Variants in ST7L observed in about 807,000 individuals in gnomAD.
The protein encoded by ST7L is suppression of tumorigenicity 7 like, also known as suppressor of tumorigenicity 7 protein-like.
In ST7L, 57 loss-of-function variants were observed where a neutral mutation model predicts 72.5. The ratio of observed to expected loss-of-function variants is 0.79; its 90% confidence interval spans 0.64 to 0.98. The LOEUF (loss-of-function observed/expected upper bound fraction) is 0.98. ST7L is among the 50% of genes least tolerant of loss of function. ST7L has a pLI of 0.00. For synonymous variants in ST7L, 221 were observed against 240.9 expected, an observed-to-expected ratio of 0.92 and a Z score of 0.77; for missense variants, 576 against 672.2, an observed-to-expected ratio of 0.86 and a Z score of 1.58.
At chr1:112,565,953 G>A (rs1319314233) in intron 11 of ST7L, among the ~76,000 whole-genome samples, 1 of 151,842 alleles carries the variant, frequency 6.6e-6, no homozygotes, top group African/African-American at 2.4e-5. Context: ...TGAGGCTGCA[G>A]TGAGTCATGA....
chr1:112,600,745 T>C (rs895918643), intron 4 of ST7L, 49 bp downstream of exon 4: 1 of 1,497,922 alleles, frequency 6.7e-7, no homozygotes, highest in Admixed American at 1.8e-5. Flanking sequence ...TGTAAATACC[T>C]TTACTCTAAA....
intron 11 of ST7L, among the ~76,000 whole-genome samples, chr1:112,560,752 A>T (rs1659976811): frequency 6.6e-6 from 1 of 152,090 alleles, no homozygotes; most frequent in South Asian, 2.1e-4. Context: ...ACCTGAGGTC[A>T]GGAATTTGAG....
At chr1:112,580,101 G>A (rs1472169307) in intron 9 of ST7L, among the ~76,000 whole-genome samples, 3 of 152,170 alleles carry the variant, frequency 2.0e-5, no homozygotes, top group Non-Finnish European at 4.4e-5. Context: ...GGATTCCCAA[G>A]CAAATGGGTA....
At chr1:112,564,090 G>A (rs890074800) in intron 11 of ST7L, among the ~76,000 whole-genome samples, 1 of 152,162 alleles carries the variant, frequency 6.6e-6, no homozygotes, top group Admixed American at 6.5e-5. Context: ...GTCCACATTG[G>A]TATGTATTGG....
downstream of ST7L, chr1:112,520,300 C>T (rs1433276043): frequency 6.2e-7 from 1 of 1,613,982 alleles, no homozygotes; most frequent in South Asian, 1.1e-5. Flanking sequence ...CACTGCAGGC[C>T]GTGTCTGCAG....
At chr1:112,611,158 T>C (rs1354335484) in intron 2 of ST7L, among the ~76,000 whole-genome samples, 155 bp from the exon 3 acceptor site, 1 of 152,200 alleles carries the variant, frequency 6.6e-6, no homozygotes, top group Non-Finnish European at 1.5e-5. Context: ...GATTCACCAA[T>C]AACATGTCAC....
At chr1:112,594,948 T>C (rs34107138) in intron 5 of ST7L, among the ~76,000 whole-genome samples, 29,557 of 152,108 alleles carry the variant, frequency 0.19, 3,598 homozygotes, top group East Asian at 0.46. Context: ...AATGTTTTAT[T>C]GTGGAAAAGG....
At chr1:112,541,615 AT>A (rs1346416251) in intron 14 of ST7L, among the ~76,000 whole-genome samples, 3 of 152,236 alleles carry the variant, frequency 2.0e-5, no homozygotes, top group Non-Finnish European at 4.4e-5. Context: ...AATGAAAAAA[AT>A]CAAAGGGTTT....
At chr1:112,557,966 T>A (rs144639697) in intron 11 of ST7L, among the ~76,000 whole-genome samples, 4 of 152,220 alleles carry the variant, frequency 2.6e-5, no homozygotes, top group African/African-American at 9.6e-5. Flanking sequence ...TAATCACAGT[T>A]ACTATAGCAA....
At chr1:112,553,235 C>A (rs1441981260) in intron 12 of ST7L, among the ~76,000 whole-genome samples, 2 of 84,764 alleles carry the variant, frequency 2.4e-5, no homozygotes, top group Admixed American at 9.8e-5. Flanking sequence ...TTTCTTTAAA[C>A]ACACACACAC....
At chr1:112,564,714 G>A (rs1420568858) in intron 11 of ST7L, among the ~76,000 whole-genome samples, 1 of 151,598 alleles carries the variant, frequency 6.6e-6, no homozygotes, top group African/African-American at 2.4e-5. Flanking sequence ...CTACTTGGGA[G>A]GCTGAGGCAG....
At chr1:112,602,876 C>G (rs892961687) in intron 3 of ST7L, among the ~76,000 whole-genome samples, 1 of 151,972 alleles carries the variant, frequency 6.6e-6, no homozygotes, top group Non-Finnish European at 1.5e-5. Context: ...CACCACCACG[C>G]CCGGCTAATT....
chr1:112,593,512 C>A (rs1665997751), intron 5 of ST7L, among the ~76,000 whole-genome samples: 1 of 152,054 alleles, frequency 6.6e-6, no homozygotes, highest in Non-Finnish European at 1.5e-5. Flanking sequence ...TATGTAAATG[C>A]CTACAAATGC....
At chr1:112,533,596 G>A (rs995582725) in intron 14 of ST7L, among the ~76,000 whole-genome samples, 1 of 150,690 alleles carries the variant, frequency 6.6e-6, no homozygotes, top group Non-Finnish European at 1.5e-5. Flanking sequence ...TTACAGGCGT[G>A]AACCACCACG....
rs551765603 is a variant in ST7L at position 112,549,823 on chromosome 1, A to G, written c.1489+778T>C. ...AACACCAGCTAGAACCTCTAGTACA[A>G]TATTAAATAGAAGTGGTGACAACAG... On this transcript the variant is annotated intron_variant, in intron 13 of 14. Transcript: ENST00000358039. Among the ~76,000 whole-genome samples the G allele has an allele frequency of 2.0e-5, 3 of 152,302 alleles. No homozygotes were observed. The South Asian group carries it at 6.2e-4, about 32-fold the overall frequency.
intron 14 of ST7L, chr1:112,540,190 T>C (rs897832487): frequency 3.0e-6 from 3 of 985,372 alleles, no homozygotes; most frequent in Non-Finnish European, 3.6e-6. Context: ...AGATTCTAGA[T>C]CTCCCTCCTT....
In ST7L at chr1:112,539,986, A is replaced by C. The variant is rs148407075; in HGVS notation, c.1629+1965T>G. On this transcript the variant is annotated intron_variant, in intron 14 of 14. Coordinates refer to ENST00000358039, the MANE Select transcript of ST7L (RefSeq NM_017744.5). ...TCAATAACTTTTGGTCTGAAAAAGA[A>C]GCTTCCATTTAAAATATGTAATTAT... The C allele has an allele frequency of 4.8e-4, 474 of 985,408 alleles. No individual in the cohort carries two copies. The African/African-American group carries it at 7.6e-3, about 16-fold the overall frequency. 61.0% of individuals were successfully genotyped at this position (985,408 alleles called of 1,614,324 possible).
intron 13 of ST7L, among the ~76,000 whole-genome samples, chr1:112,547,080 C>T (rs1173955398): frequency 6.6e-6 from 1 of 151,982 alleles, no homozygotes; most frequent in Non-Finnish European, 1.5e-5. Context: ...CAAATTGGCT[C>T]CTCCTGATAT....
rs1251356700 is a variant in ST7L, at chr1:112,618,202, G to T, written c.205+707C>A. On this transcript the variant is annotated intron_variant, in intron 1 of 14. Transcript: ENST00000358039. ...ACACTTCATCCTGTCTACAGCTAAA[G>T]AATAGTACAGTATATGAGAATCCAT... 2.5e-6 allele frequency: 3 copies of T among 1,202,730 alleles called. No homozygotes were observed. The Admixed American group carries it at 1.0e-4, about 40-fold the overall frequency. The allele number at this position is 1,202,730 out of a possible 1,614,324, so 74.5% of individuals were successfully genotyped here.
Sources: allele counts gnomAD v4.1 joint callset (sites outside exome capture counted in the v4.1 genomes callset), GRCh38; gene constraint gnomAD v4.1.1; transcripts MANE v1.5; gene names NCBI Gene and HGNC (gene_info 2026-07-23, HGNC 2026-07-21).